The following TPD52L1 variants were observed in gnomAD, a reference collection of about 807,000 sequenced individuals.
TPD52L1 encodes the protein TPD52 like 1.
A neutral mutation model predicts 28.7 loss-of-function variants in TPD52L1; 18 were observed. That is an observed-to-expected ratio of 0.63 (90% CI 0.43 to 0.93). The LOEUF is 0.93. TPD52L1 is among the 40% of genes least tolerant of loss of function. TPD52L1 has a pLI of 0.00. For missense variants in TPD52L1, 203 were observed against 254.8 expected (o/e 0.80, Z 1.39); for synonymous variants, 75 against 88.8 (o/e 0.84, Z 0.88).
At chr6:125,215,500 A>G (rs556148941) in intron 1 of TPD52L1, among the ~76,000 whole-genome samples, 1 of 152,336 alleles carries the variant, frequency 6.6e-6, no homozygotes, top group East Asian at 1.9e-4. Flanking sequence ...GCCTAGGTAG[A>G]GAAAGGATGA....
At chr6:125,218,131 T>C (rs1158684666) in intron 1 of TPD52L1, among the ~76,000 whole-genome samples, 1 of 152,230 alleles carries the variant, frequency 6.6e-6, no homozygotes, top group African/African-American at 2.4e-5. Context: ...TTATAGGGTA[T>C]GTGAATGTCC....
chr6:125,221,265 G>T (rs977677679), intron 2 of TPD52L1, among the ~76,000 whole-genome samples: 10 of 152,178 alleles, frequency 6.6e-5, no homozygotes, highest in African/African-American at 1.9e-4. Context: ...CAAATCTTTA[G>T]CTGGGTCTGT....
chr6:125,154,791 A>C (rs1057367569), intron 1 of TPD52L1, among the ~76,000 whole-genome samples: 5 of 152,164 alleles, frequency 3.3e-5, no homozygotes, highest in African/African-American at 1.2e-4. Context: ...GTGGGAAGGA[A>C]ACGGACTCAG....
chr6:125,154,280 C>A, intron 1 of TPD52L1: 1 of 1,197,408 alleles, frequency 8.4e-7, no homozygotes, highest in South Asian at 3.3e-5. Context: ...CGCGGCTGCC[C>A]GAAGGACCTG....
chr6:125,167,963 T>C (rs546801215), intron 1 of TPD52L1, among the ~76,000 whole-genome samples: 59 of 152,120 alleles, frequency 3.9e-4, no homozygotes, highest in Non-Finnish European at 7.8e-4. Flanking sequence ...AAAGTCACAA[T>C]ATATTTGCCA....
intron 2 of TPD52L1, among the ~76,000 whole-genome samples, chr6:125,220,757 A>T (rs941131782): frequency 8.5e-5 from 13 of 152,188 alleles, no homozygotes; most frequent in Non-Finnish European, 2.9e-5. Context: ...GGGGATCCGG[A>T]CCTAGGGAGG....
chr6:125,245,557 G>T (rs1796876959), intron 3 of TPD52L1, among the ~76,000 whole-genome samples: 1 of 152,154 alleles, frequency 6.6e-6, no homozygotes, highest in Non-Finnish European at 1.5e-5. Flanking sequence ...CCTTGGGCGG[G>T]TCAGACTCTC....
At chr6:125,177,235 A>G (rs920285736) in intron 1 of TPD52L1, among the ~76,000 whole-genome samples, 1 of 152,090 alleles carries the variant, frequency 6.6e-6, no homozygotes, top group African/African-American at 2.4e-5. Flanking sequence ...CCCGTTTTCT[A>G]CGTTCCCTAA....
chr6:125,225,506 T>G (rs1400359449), intron 2 of TPD52L1, among the ~76,000 whole-genome samples: 3 of 152,206 alleles, frequency 2.0e-5, no homozygotes, highest in Admixed American at 6.5e-5. Context: ...CACATCTTTG[T>G]CAACACTTGT....
chr6:125,210,696 C>T, intron 1 of TPD52L1, among the ~76,000 whole-genome samples: 1 of 152,202 alleles, frequency 6.6e-6, no homozygotes. Flanking sequence ...ATAAATAATT[C>T]TGATCAAGGA....
chr6:125,218,049 G>A (rs758224213), intron 1 of TPD52L1, among the ~76,000 whole-genome samples: 14 of 152,218 alleles, frequency 9.2e-5, no homozygotes, highest in South Asian at 6.2e-4. Context: ...TATTAATGGC[G>A]TCTGATGTGC....
intron 1 of TPD52L1, among the ~76,000 whole-genome samples, chr6:125,176,981 T>C (rs1436701371): frequency 6.6e-6 from 1 of 152,168 alleles, no homozygotes; most frequent in Admixed American, 6.5e-5. Context: ...GAGGCTGCAG[T>C]GAGCTGTGAT....
intron 1 of TPD52L1, among the ~76,000 whole-genome samples, chr6:125,155,706 G>A (rs1466964525): frequency 5.9e-5 from 9 of 152,142 alleles, no homozygotes; most frequent in African/African-American, 1.7e-4. Flanking sequence ...ATAGTGCAGC[G>A]AGAGCCTGAA....
intron 3 of TPD52L1, among the ~76,000 whole-genome samples, chr6:125,239,880 T>G (rs370628886): frequency 6.6e-6 from 1 of 152,214 alleles, no homozygotes; most frequent in South Asian, 2.1e-4. Flanking sequence ...TTTTGTGTTC[T>G]TGGTCATGAA....
rs1414775919 is a variant in TPD52L1, at chr6:125,255,507, C to T, written c.426-1591C>T. On this transcript the variant is annotated intron_variant, in intron 5 of 6. Coordinates refer to ENST00000534000, the MANE Select transcript of TPD52L1 (RefSeq NM_003287.4). Reference sequence around the variant, plus strand: ...CACAAAATGTGATGCCATGTCAGGGCCCTCTGAATTCACCATTGTTAATCT... The same window carrying T: ...CACAAAATGTGATGCCATGTCAGGGTCCTCTGAATTCACCATTGTTAATCT... Among the ~76,000 whole-genome samples the T allele has an allele frequency of 3.3e-5, 5 of 152,170 alleles. No individual in the cohort carries two copies. In the South Asian group the frequency reaches 1.0e-3, roughly 32 times the overall value.
intron 4 of TPD52L1, among the ~76,000 whole-genome samples, chr6:125,248,717 C>T (rs3823219): frequency 0.62 from 93,436 of 151,924 alleles, 31,218 homozygotes; most frequent in African/African-American, 0.88. Context: ...TAAATTAAAA[C>T]ATGCATTTAG....
At chr6:125,165,825 T>C (rs1279645777) in intron 1 of TPD52L1, among the ~76,000 whole-genome samples, 3 of 152,214 alleles carry the variant, frequency 2.0e-5, no homozygotes, top group African/African-American at 7.2e-5. Context: ...ATGTAATTCT[T>C]AGAACCAGTA....
At chr6:125,255,074 G>A (rs764654232) in intron 5 of TPD52L1, among the ~76,000 whole-genome samples, 57 of 152,274 alleles carry the variant, frequency 3.7e-4, no homozygotes, top group Non-Finnish European at 6.8e-4. Context: ...CAGTTGGGTA[G>A]TGGAACCTAA....
chr6:125,170,866 G>A (rs1791255434), intron 1 of TPD52L1, among the ~76,000 whole-genome samples: 1 of 151,902 alleles, frequency 6.6e-6, no homozygotes, highest in Non-Finnish European at 1.5e-5. Context: ...CCTATAACCT[G>A]TGCCTCCTCT....
Sources: gnomAD v4.1 joint callset for allele counts (sites outside exome capture counted in the v4.1 genomes callset) on GRCh38, gnomAD v4.1.1 for gene constraint, MANE v1.5 for transcripts, NCBI Gene and HGNC (gene_info 2026-07-23, HGNC 2026-07-21) for gene names.